The following MDGA2 variants were observed in gnomAD, a reference collection of about 807,000 sequenced individuals.
The protein encoded by MDGA2 is MAM domain-containing glycosylphosphatidylinositol anchor protein 2.
In MDGA2, 40 loss-of-function variants were observed where a neutral mutation model predicts 117.8. The observed-to-expected ratio is 0.34, with a 90% CI of 0.26 to 0.44. The LOEUF (loss-of-function observed/expected upper bound fraction) is 0.44, where lower values mean the gene tolerates loss of function less well. Among genes scored for constraint, MDGA2 ranks in the 20% least tolerant of loss-of-function variants. The pLI is 1.00. For missense variants in MDGA2, 1,123 were observed against 1,250.6 expected, an observed-to-expected ratio of 0.90 and a Z score of 1.54; for synonymous variants, 452 against 439.0, an observed-to-expected ratio of 1.03 and a Z score of -0.37.
chr14:47,452,510 T>G (rs1302407943), intron 1 of MDGA2, among the ~76,000 whole-genome samples: 3 of 152,102 alleles, frequency 2.0e-5, no homozygotes, highest in African/African-American at 7.2e-5. Flanking sequence ...CTGGGCTAGG[T>G]GGCCACTGTA....
At chr14:47,312,169 C>G (rs1889656349) in intron 1 of MDGA2, among the ~76,000 whole-genome samples, 1 of 152,148 alleles carries the variant, frequency 6.6e-6, no homozygotes. Flanking sequence ...TCCAAAATTT[C>G]TGCTCAAACA....
Position 47,560,072 on chromosome 14 carries a change from AT to A in MDGA2, c.280+114444del, listed in dbSNP as rs74632367. Among the ~76,000 whole-genome samples the A allele has an allele frequency of 8.7e-3, 1,214 of 139,718 alleles. 5 individuals are homozygous for A. Among genetic ancestry groups the A allele is most frequent in the African/African-American group, 0.017 (657 of 38,592 alleles). The allele number at this position is 139,718 out of a possible 152,430, so 91.7% of individuals were successfully genotyped here. ...CCTCACTGGCATCTGTTATCTTAGG[AT>A]TTTTTTTTTTTTTAGACGGAGTCTC... On this transcript the variant is annotated intron_variant, in intron 1 of 16. Transcript: ENST00000399232.
At chr14:47,433,903 T>C (rs1393534048) in intron 1 of MDGA2, among the ~76,000 whole-genome samples, 1 of 152,148 alleles carries the variant, frequency 6.6e-6, no homozygotes, top group Non-Finnish European at 1.5e-5. Context: ...TTATCAGTCA[T>C]TGTAAAGTTT....
chr14:47,341,463 G>C (rs773638331), intron 1 of MDGA2, among the ~76,000 whole-genome samples: 2 of 152,122 alleles, frequency 1.3e-5, no homozygotes, highest in South Asian at 2.1e-4. Context: ...TCTTTGGTAC[G>C]TAATTTCTTA....
chr14:47,362,419 G>C (rs1891145026), intron 1 of MDGA2, among the ~76,000 whole-genome samples: 9 of 151,920 alleles, frequency 5.9e-5, no homozygotes. Flanking sequence ...ATGTTTATTG[G>C]CTTTAAAATG....
At chr14:47,293,945 A>G (rs929836915) in intron 2 of MDGA2, among the ~76,000 whole-genome samples, 2 of 152,102 alleles carry the variant, frequency 1.3e-5, no homozygotes, top group African/African-American at 4.8e-5. Flanking sequence ...CTATTTGAAG[A>G]CTATAAGGAA....
chr14:47,159,527 G>A (rs1883545009), intron 3 of MDGA2, among the ~76,000 whole-genome samples: 1 of 152,120 alleles, frequency 6.6e-6, no homozygotes, highest in South Asian at 2.1e-4. Flanking sequence ...GTAACTAGTT[G>A]TATCGAATTT....
intron 1 of MDGA2, among the ~76,000 whole-genome samples, chr14:47,602,281 G>A (rs1358347668): frequency 6.6e-6 from 1 of 152,022 alleles, no homozygotes; most frequent in Non-Finnish European, 1.5e-5. Context: ...AAAAACACGG[G>A]TAAGACCTAG....
intron 3 of MDGA2, among the ~76,000 whole-genome samples, chr14:47,156,073 A>C (rs1371074374): frequency 6.6e-6 from 1 of 151,310 alleles, no homozygotes; most frequent in Non-Finnish European, 1.5e-5. Context: ...TACCCCGGCT[A>C]ATTTTTGTAT....
In MDGA2 at chr14:47,204,245, G is replaced by C. The variant is rs139354781; in HGVS notation, c.595+13776C>G. ...GTTTAACTTACAAGAGAAGATATAT[G>C]GTAGACAAAGCTGAATGGAAATGGA... On this transcript the variant is annotated intron_variant, in intron 3 of 16. Coordinates refer to ENST00000399232, the MANE Select transcript of MDGA2 (RefSeq NM_001113498.3). Among the ~76,000 whole-genome samples, 963 of 152,032 alleles carry C rather than the reference G, an allele frequency of 6.3e-3. 20 individuals carry two copies. The highest frequency in any genetic ancestry group is 0.022 in the African/African-American group (897 of 41,520).
chr14:47,461,655 T>C (rs1291528651), intron 1 of MDGA2, among the ~76,000 whole-genome samples: 1 of 151,242 alleles, frequency 6.6e-6, no homozygotes, highest in East Asian at 1.9e-4. Context: ...GAGTGAACCA[T>C]AAGTAGGCAT....
chr14:47,561,664 G>T (rs1895819558), intron 1 of MDGA2, among the ~76,000 whole-genome samples: 1 of 152,082 alleles, frequency 6.6e-6, no homozygotes, highest in Admixed American at 6.5e-5. Context: ...GAATCATATA[G>T]TCTGCAAACA....
intron 1 of MDGA2, among the ~76,000 whole-genome samples, chr14:47,525,934 T>C (rs964854144): frequency 1.3e-5 from 2 of 152,114 alleles, no homozygotes; most frequent in African/African-American, 4.8e-5. Flanking sequence ...TAGGCACATG[T>C]CACCAGTTTT....
intron 1 of MDGA2, among the ~76,000 whole-genome samples, chr14:47,536,058 T>C (rs115302855): frequency 1.3e-5 from 2 of 152,156 alleles, no homozygotes; most frequent in Non-Finnish European, 2.9e-5. Flanking sequence ...ATTAAGTGTG[T>C]CCACATCTGT....
chr14:47,303,574 G>A (rs543170105), intron 1 of MDGA2, among the ~76,000 whole-genome samples: 27 of 152,048 alleles, frequency 1.8e-4, no homozygotes, highest in Non-Finnish European at 3.2e-4. Context: ...TAATACTAGT[G>A]AAGTACTTAT....
At chr14:47,397,675 T>C (rs1892044001) in intron 1 of MDGA2, among the ~76,000 whole-genome samples, 1 of 152,162 alleles carries the variant, frequency 6.6e-6, no homozygotes, top group Admixed American at 6.6e-5. Flanking sequence ...TCTCTATAAA[T>C]GTAAATTACA....
chr14:47,666,914 C>T (rs1407589785), intron 1 of MDGA2, among the ~76,000 whole-genome samples: 3 of 152,244 alleles, frequency 2.0e-5, no homozygotes, highest in South Asian at 4.1e-4. Context: ...GAGCTGTTAA[C>T]ACTCACTGCG....
chr14:47,187,777 T>C (rs2139393873), intron 3 of MDGA2, among the ~76,000 whole-genome samples: 1 of 152,222 alleles, frequency 6.6e-6, no homozygotes, highest in South Asian at 2.1e-4. Flanking sequence ...TAACACATTG[T>C]TAATAGTGCA....
chr14:47,060,668 AAAAG>A (rs1281884673), intron 7 of MDGA2, among the ~76,000 whole-genome samples: 7 of 152,192 alleles, frequency 4.6e-5, no homozygotes, highest in South Asian at 2.1e-4. Context: ...TTTTAACTTT[AAAAG>A]AAAGAATTTC....
Sources: allele counts gnomAD v4.1 joint callset (sites outside exome capture counted in the v4.1 genomes callset), GRCh38; gene constraint gnomAD v4.1.1; transcripts MANE v1.5; gene names NCBI Gene and HGNC (gene_info 2026-07-23, HGNC 2026-07-21).